Variants in LRRC15 observed in about 807,000 individuals in gnomAD.
The protein encoded by LRRC15 is leucine-rich repeat-containing protein 15.
Under a neutral mutation model 4.3 loss-of-function variants are expected in LRRC15, and 5 were observed. The observed-to-expected ratio is 1.16, with a 90% confidence interval of 0.61 to 2.44. LRRC15 has a LOEUF of 2.44. LRRC15 is among the 30% of genes most tolerant of loss of function. The pLI is 0.01. For missense variants in LRRC15, 769 were observed against 747.0 expected (o/e 1.03, Z -0.34); for synonymous variants, 337 against 323.2 (o/e 1.04, Z -0.46).
At chr3:194,361,656 C>T (rs756363429) in intron 1 of LRRC15, among the ~76,000 whole-genome samples, 15 of 152,192 alleles carry the variant, frequency 9.9e-5, no homozygotes, top group South Asian at 2.1e-4. Context: ...GCCACAAACA[C>T]GGTAGCCTGC....
At chr3:194,367,153 A>C (rs907790321) in intron 1 of LRRC15, among the ~76,000 whole-genome samples, 1 of 152,090 alleles carries the variant, frequency 6.6e-6, no homozygotes, top group Non-Finnish European at 1.5e-5. Context: ...TGTTTGTTCA[A>C]TTCCACCTGA....
Position 194,360,342 on chromosome 3 carries a change from T to A in LRRC15, c.702A>T (p.Gly234=), listed in dbSNP as rs1483743685. Residue 234 remains glycine, a synonymous_variant, in exon 2 of 2, where the codon GGA becomes GGT. Coordinates refer to ENST00000347624, the MANE Select transcript of LRRC15 (RefSeq NM_130830.5). ...TGTGGAAGAGACCAGGGGAGAGCAG[T>A]CCAATCTGGTTCTGCTGCAGAGCCA... ...QELALQQNQI[G]LLSPGLFHNN... The A allele has an allele frequency of 6.2e-7, 1 of 1,613,982 alleles. No homozygotes were observed. The highest frequency in any genetic ancestry group is 8.5e-7 in the Non-Finnish European group (1 of 1,179,982).
rs780992534 is a variant in LRRC15 at position 194,359,807 on chromosome 3, C to T, written c.1237G>A (p.Gly413Arg). 2.9e-5 allele frequency: 46 copies of T among 1,613,980 alleles called. No individual in the cohort carries two copies. The highest frequency in any genetic ancestry group is 4.0e-5 in the African/African-American group (3 of 74,924). Residue 413 changes from glycine to arginine, a missense_variant, in exon 2 of 2, where the codon GGG (glycine) becomes AGG (arginine). Transcript: ENST00000347624. ...TACAGCCGCAGCTCACACAGTTTCC[C>T]CAGGTGATCGAAGATGCCGAGGGGC... Reference protein sequence around the residue: ...NLPLGIFDHLGKLCELRLYDN... With the variant: ...NLPLGIFDHLRKLCELRLYDN...
At chr3:194,367,648 G>A (rs1306523630) in intron 1 of LRRC15, among the ~76,000 whole-genome samples, 1 of 152,178 alleles carries the variant, frequency 6.6e-6, no homozygotes, top group Non-Finnish European at 1.5e-5. Flanking sequence ...CTTTACCTGT[G>A]TCTCTGCTCA....
In LRRC15 at chr3:194,357,143, A is replaced by C. The variant is rs1375919323; in HGVS notation, c.*2155T>G. 6.6e-6 allele frequency: 1 copy of C among 152,284 alleles called. No homozygotes were observed. Among genetic ancestry groups the C allele is most frequent in the Non-Finnish European group, 1.5e-5 (1 of 68,086 alleles). The allele number at this position is 152,284 out of a possible 1,614,324, so 9.4% of individuals were successfully genotyped here. On this transcript the variant is annotated 3_prime_UTR_variant, in exon 2 of 2. Coordinates refer to ENST00000347624, the MANE Select transcript of LRRC15 (RefSeq NM_130830.5). ...ACAAAGTGCACTAGTGTTTGCAAAC[A>C]GCCCTCTGGACACTTTTTGTGCAGG... is the stretch of plus-strand genomic sequence containing the variant.
intron 1 of LRRC15, among the ~76,000 whole-genome samples, chr3:194,361,379 G>A (rs531461176): frequency 3.3e-5 from 5 of 152,264 alleles, no homozygotes; most frequent in African/African-American, 7.2e-5. Context: ...CCATGAAGTC[G>A]TCTTCCCAGT....
intron 1 of LRRC15, among the ~76,000 whole-genome samples, chr3:194,368,626 T>C (rs1713849098): frequency 6.6e-6 from 1 of 152,056 alleles, no homozygotes; most frequent in Admixed American, 6.6e-5. Flanking sequence ...AAGTGACGCA[T>C]CCCAGATAAC....
At chr3:194,361,145 T>C in intron 1 of LRRC15, 99 bp from the exon 2 acceptor site, 3 of 1,029,470 alleles carry the variant, frequency 2.9e-6, no homozygotes, top group South Asian at 1.7e-5. Flanking sequence ...TGGCTTGGCT[T>C]TGAACCCCAT....
rs1560043244 is a variant in LRRC15, at chr3:194,357,306, G to A, written c.*1992C>T. On this transcript the variant is annotated 3_prime_UTR_variant, in exon 2 of 2. Transcript: ENST00000347624. ...AGATCACAGGTGTCTTGTGGAGCGG[G>A]GAGCTAATAAGAGCCGATCGGGATT... is the stretch of plus-strand genomic sequence containing the variant. The A allele has an allele frequency of 1.3e-5, 2 of 151,270 alleles. No homozygotes were observed. Among genetic ancestry groups the A allele is most frequent in the African/African-American group, 4.9e-5 (2 of 41,090 alleles). 9.4% of individuals were successfully genotyped at this position (151,270 alleles called of 1,614,324 possible).
chr3:194,368,669 C>T (rs967659171), intron 1 of LRRC15, among the ~76,000 whole-genome samples: 4 of 152,084 alleles, frequency 2.6e-5, no homozygotes, highest in Non-Finnish European at 4.4e-5. Context: ...GGCAGACAGG[C>T]ACCTGGCACC....
At position 194,358,987 on chromosome 3, in the gene LRRC15, G is replaced by C. The variant is rs571764346; in HGVS notation, c.*311C>G. The C allele has an allele frequency of 4.4e-5, 12 of 274,438 alleles. No homozygotes were observed. The Admixed American group carries it at 5.8e-4, about 13-fold the overall frequency. 17.0% of individuals were successfully genotyped at this position (274,438 alleles called of 1,614,324 possible). A position where few individuals can be genotyped will look rare whatever the true frequency, so the allele number is the denominator to read the frequency against. ...AGGGGGCCTGGGCGCAGGGAAGGCT[G>C]TTCTTGGAGGACAGGTGGGGAGGAT... On this transcript the variant is annotated 3_prime_UTR_variant, in exon 2 of 2. Transcript: ENST00000347624.
chr3:194,362,804 C>G (rs1282974546), intron 1 of LRRC15, among the ~76,000 whole-genome samples: 5 of 152,142 alleles, frequency 3.3e-5, no homozygotes, highest in East Asian at 3.9e-4. Context: ...GGGTCTGGAG[C>G]CTGGCCCACG....
chr3:194,360,430 T>C lies in LRRC15; in HGVS notation c.614A>G (p.Tyr205Cys), dbSNP rs146436090. 467 of 1,614,180 alleles carry C rather than the reference T, an allele frequency of 2.9e-4. No individual in the cohort carries two copies. The highest frequency in any genetic ancestry group is 3.2e-4 in the Non-Finnish European group (379 of 1,180,032). ...HLGNLQVLRL[Y>C]ENRLTDIPMG... ...GGGGATATCCGTGAGCCTGTTCTCA[T>C]ACAGCCGGAGGACCTGGAGGTTGCC... is the stretch of plus-strand genomic sequence containing the variant. The change falls in exon 2 of 2, where the codon TAT (tyrosine) becomes TGT (cysteine). Residue 205 changes from tyrosine (Y) to cysteine (C), a missense_variant. Tyr to Cys is a radical substitution (Grantham distance 194). Transcript: ENST00000347624.
At chr3:194,362,318 G>A (rs763344786) in intron 1 of LRRC15, among the ~76,000 whole-genome samples, 2 of 152,164 alleles carry the variant, frequency 1.3e-5, no homozygotes, top group Non-Finnish European at 2.9e-5. Context: ...CTGTTGTGAG[G>A]AGCGAATGCG....
In LRRC15 at chr3:194,358,322, C is replaced by G. The variant is rs995622342; in HGVS notation, c.*976G>C. 1 of 152,204 alleles carries G rather than the reference C, an allele frequency of 6.6e-6. No individual in the cohort carries two copies. The highest frequency in any genetic ancestry group is 2.4e-5 in the African/African-American group (1 of 41,438). 9.4% of individuals were successfully genotyped at this position (152,204 alleles called of 1,614,324 possible). ...GTTCAGTTTGTGAAAATCCACCAAG[C>G]CATACACTATCATGTTCCCACTTTT... On this transcript the variant is annotated 3_prime_UTR_variant, in exon 2 of 2. Coordinates refer to ENST00000347624, the MANE Select transcript of LRRC15 (RefSeq NM_130830.5).
At chr3:194,361,749 C>G (rs1713634019) in intron 1 of LRRC15, among the ~76,000 whole-genome samples, 1 of 152,210 alleles carries the variant, frequency 6.6e-6, no homozygotes, top group African/African-American at 2.4e-5. Flanking sequence ...AGCTCTTCCT[C>G]ACCCTCGCCT....
In LRRC15 at chr3:194,360,211, C is replaced by G; in HGVS notation, c.833G>C (p.Gly278Ala). 6.2e-7 allele frequency: 1 copy of G among 1,613,820 alleles called. No homozygotes were observed. Among genetic ancestry groups the G allele is most frequent in the Non-Finnish European group, 8.5e-7 (1 of 1,179,752 alleles). ...CGGAGAGAGCTCCTTCAGGGAATTC[C>G]CAAAGAGAGTAAGACGGTTGAGCTG... ...LPQLNRLTLF[G>A]NSLKELSPGI... Residue 278 changes from glycine to alanine, a missense_variant, in exon 2 of 2, where the codon GGG becomes GCG. Gly to Ala is a moderately conservative substitution (Grantham distance 60). Coordinates refer to ENST00000347624, the MANE Select transcript of LRRC15 (RefSeq NM_130830.5).
At chr3:194,363,322 T>C (rs1713688003) in intron 1 of LRRC15, 1 of 706,382 alleles carries the variant, frequency 1.4e-6, no homozygotes, top group Non-Finnish European at 2.6e-6. Context: ...ACTAAGCATA[T>C]AGAACAATGG....
At chr3:194,362,496 T>C (rs1713658817) in intron 1 of LRRC15, among the ~76,000 whole-genome samples, 1 of 152,100 alleles carries the variant, frequency 6.6e-6, no homozygotes, top group Non-Finnish European at 1.5e-5. Flanking sequence ...TATGTGAGAG[T>C]ATCCGCAACT....
Sources: allele counts gnomAD v4.1 joint callset (sites outside exome capture counted in the v4.1 genomes callset), GRCh38; gene constraint gnomAD v4.1.1; transcripts MANE v1.5; gene names NCBI Gene and HGNC (gene_info 2026-07-23, HGNC 2026-07-21).